MAST2: variants seen among roughly 807,000 people sequenced by gnomAD.
MAST2 encodes the protein microtubule associated serine/threonine kinase 2, also known as microtubule-associated serine/threonine-protein kinase 2.
In MAST2, 70 loss-of-function variants were observed where a neutral mutation model predicts 147.4. The ratio of observed to expected loss-of-function variants is 0.47; its 90% CI spans 0.39 to 0.58. The LOEUF (loss-of-function observed/expected upper bound fraction) is 0.58. Among genes scored for constraint, MAST2 ranks in the 20% least tolerant of loss-of-function variants. MAST2 has a pLI of 0.00. For missense variants in MAST2, 2,080 were observed against 2,302.3 expected, an observed-to-expected ratio of 0.90 and a Z score of 1.98; for synonymous variants, 869 against 896.8, an observed-to-expected ratio of 0.97 and a Z score of 0.55.
chr1:45,916,442 A>G (rs546256682), intron 4 of MAST2, among the ~76,000 whole-genome samples: 204 of 152,306 alleles, frequency 1.3e-3, no homozygotes, highest in African/African-American at 4.7e-3. Flanking sequence ...CCTGTTTTCA[A>G]TCTAATGATC....
chr1:45,860,232 A>AC (rs71062719), intron 3 of MAST2, among the ~76,000 whole-genome samples: 3 of 150,110 alleles, frequency 2.0e-5, no homozygotes, highest in Non-Finnish European at 4.4e-5. Context: ...ACACACACAC[A>AC]AATTAGCCAG....
intron 5 of MAST2, among the ~76,000 whole-genome samples, chr1:45,987,777 ATTTTTTTTTT>A: frequency 2.8e-4 from 6 of 21,778 alleles, no homozygotes; most frequent in Non-Finnish European, 3.8e-4. Context: ...TTTTTTTTTG[ATTTTTTTTTT>A]TTTTTTTTTT....
intron 5 of MAST2, among the ~76,000 whole-genome samples, chr1:45,986,092 G>A (rs1314331362): frequency 2.0e-5 from 3 of 152,106 alleles, no homozygotes; most frequent in African/African-American, 4.8e-5. Context: ...AATGGTAATC[G>A]TAGATATTCT....
At chr1:45,805,970 T>A (rs1286257370) in intron 1 of MAST2, among the ~76,000 whole-genome samples, 1 of 152,250 alleles carries the variant, frequency 6.6e-6, no homozygotes, top group East Asian at 1.9e-4. Flanking sequence ...ATGGTTTGGC[T>A]TCTTCACTTA....
At chr1:46,015,115 C>T (rs1237540882) in intron 10 of MAST2, among the ~76,000 whole-genome samples, 1 of 151,338 alleles carries the variant, frequency 6.6e-6, no homozygotes, top group Non-Finnish European at 1.5e-5. Context: ...TAAAGATGTT[C>T]TTTGAAACCA....
intron 3 of MAST2, among the ~76,000 whole-genome samples, chr1:45,838,511 A>G (rs566063387): frequency 2.1e-4 from 32 of 152,182 alleles, no homozygotes; most frequent in African/African-American, 6.7e-4. Flanking sequence ...GTGTCAGCCA[A>G]TGCGCCCAGT....
chr1:45,976,409 C>T (rs565075396), intron 5 of MAST2, among the ~76,000 whole-genome samples: 4 of 152,044 alleles, frequency 2.6e-5, no homozygotes, highest in African/African-American at 4.8e-5. Context: ...CCAGCCTGGT[C>T]GACATGATAA....
At chr1:45,952,712 C>A (rs913044154) in intron 4 of MAST2, among the ~76,000 whole-genome samples, 1 of 152,054 alleles carries the variant, frequency 6.6e-6, no homozygotes. Flanking sequence ...CTGAACAAGA[C>A]ACTAGAATTA....
At chr1:45,806,372 T>C (rs1570138022) in intron 1 of MAST2, among the ~76,000 whole-genome samples, 1 of 152,188 alleles carries the variant, frequency 6.6e-6, no homozygotes, top group East Asian at 1.9e-4. Flanking sequence ...TAATTTTCCA[T>C]TGTATGAATG....
At chr1:45,898,641 G>T (rs1486734419) in intron 4 of MAST2, among the ~76,000 whole-genome samples, 1 of 152,158 alleles carries the variant, frequency 6.6e-6, no homozygotes, top group African/African-American at 2.4e-5. Flanking sequence ...ACCGGCATCA[G>T]TCTCATTTGC....
At chr1:46,018,002 A>G (rs946270677) in intron 10 of MAST2, among the ~76,000 whole-genome samples, 10 of 151,910 alleles carry the variant, frequency 6.6e-5, no homozygotes, top group African/African-American at 2.4e-4. Context: ...AAAATTCACC[A>G]AGGAACTCAC....
chr1:45,847,093 A>T, intron 3 of MAST2: 1 of 474,198 alleles, frequency 2.1e-6, no homozygotes, highest in Non-Finnish European at 4.3e-6. Context: ...TTCCTCTTGC[A>T]CTTCTTGGGA....
intron 3 of MAST2, among the ~76,000 whole-genome samples, chr1:45,858,426 T>A (rs1166094205): frequency 2.0e-5 from 3 of 152,148 alleles, no homozygotes; most frequent in African/African-American, 7.2e-5. Flanking sequence ...GAGAAGTGTC[T>A]GTTCATATCC....
At chr1:45,813,718 C>T (rs1265044860) in intron 1 of MAST2, among the ~76,000 whole-genome samples, 2 of 152,006 alleles carry the variant, frequency 1.3e-5, no homozygotes, top group African/African-American at 2.4e-5. Flanking sequence ...AGGCTGGTCT[C>T]GAACTTCTGA....
At chr1:45,821,885 CTTTT>C (rs71587723) in intron 1 of MAST2, among the ~76,000 whole-genome samples, 1 of 100,846 alleles carries the variant, frequency 9.9e-6, no homozygotes, top group African/African-American at 4.1e-5. Context: ...TCACCTTCAC[CTTTT>C]TTTTTTTTTT....
intron 3 of MAST2, among the ~76,000 whole-genome samples, chr1:45,879,529 C>A (rs1443811312): frequency 6.7e-6 from 1 of 148,426 alleles, no homozygotes; most frequent in Non-Finnish European, 1.5e-5. Context: ...GCCGAGATTG[C>A]ACCACTGCGC....
intron 4 of MAST2, 143 bp downstream of exon 4, chr1:45,882,538 C>G: frequency 1.6e-6 from 1 of 620,700 alleles, no homozygotes; most frequent in Non-Finnish European, 2.8e-6. Flanking sequence ...GGGAAGCCAG[C>G]AGGCCAACTG....
At chr1:45,993,675 C>T (rs1644935270) in intron 5 of MAST2, among the ~76,000 whole-genome samples, 1 of 152,072 alleles carries the variant, frequency 6.6e-6, no homozygotes, top group Non-Finnish European at 1.5e-5. Flanking sequence ...CAAAATGAGA[C>T]TCCATCTCAA....
intron 3 of MAST2, among the ~76,000 whole-genome samples, chr1:45,881,070 A>T (rs1280920878): frequency 1.3e-5 from 2 of 152,186 alleles, no homozygotes; most frequent in Admixed American, 6.5e-5. Context: ...TATTTCTTAC[A>T]TGGACAGTTG....
Sources: allele counts gnomAD v4.1 joint callset (sites outside exome capture counted in the v4.1 genomes callset), GRCh38; gene constraint gnomAD v4.1.1; transcripts MANE v1.5; gene names NCBI Gene and HGNC (gene_info 2026-07-23, HGNC 2026-07-21).